Variants in CDH9 observed in about 807,000 individuals in gnomAD.
CDH9 encodes cadherin-9.
A neutral mutation model predicts 70.9 loss-of-function variants in CDH9; 28 were observed. The observed-to-expected ratio is 0.40, with a 90% confidence interval of 0.29 to 0.54. The LOEUF (loss-of-function observed/expected upper bound fraction) is 0.54, where lower values mean the gene tolerates loss of function less well. CDH9 is among the 20% of genes least tolerant of loss of function. CDH9 has a pLI of 0.59. For missense variants in CDH9, 874 were observed against 984.4 expected (o/e 0.89, Z 1.50); for synonymous variants, 409 against 343.1 (o/e 1.19, Z -2.12).
At chr5:26,944,796 A>G (rs1198529829) in intron 2 of CDH9, among the ~76,000 whole-genome samples, 1 of 152,190 alleles carries the variant, frequency 6.6e-6, no homozygotes, top group Admixed American at 6.5e-5. Context: ...ATATTTCCAA[A>G]AATATGCATT....
At chr5:26,996,028 T>C (rs1561033532) in intron 1 of CDH9, among the ~76,000 whole-genome samples, 1 of 151,988 alleles carries the variant, frequency 6.6e-6, no homozygotes, top group Non-Finnish European at 1.5e-5. Flanking sequence ...TTACTGTAAT[T>C]AAATAGGATT....
intron 9 of CDH9, among the ~76,000 whole-genome samples, chr5:26,888,331 G>A (rs996630699): frequency 6.6e-6 from 1 of 152,118 alleles, no homozygotes; most frequent in Non-Finnish European, 1.5e-5. Flanking sequence ...AAAAGAAAGA[G>A]TACCAGGTGG....
intron 2 of CDH9, among the ~76,000 whole-genome samples, chr5:26,950,062 T>G (rs1358556091): frequency 6.6e-6 from 1 of 152,162 alleles, no homozygotes; most frequent in East Asian, 1.9e-4. Flanking sequence ...TTAATCATTT[T>G]TTTCTAATGG....
intron 7 of CDH9, among the ~76,000 whole-genome samples, chr5:26,899,062 A>G (rs1328133938): frequency 1.6e-4 from 24 of 152,174 alleles, no homozygotes; most frequent in Admixed American, 1.6e-3. Context: ...CAACAAACAT[A>G]TGAAAAAAAG....
At chr5:27,031,869 T>G (rs1349511967) in intron 1 of CDH9, among the ~76,000 whole-genome samples, 1 of 151,894 alleles carries the variant, frequency 6.6e-6, no homozygotes, top group Non-Finnish European at 1.5e-5. Context: ...GCTTATGAAC[T>G]CCCAGTAGCT....
At chr5:26,889,028 G>A (rs1740610677) in intron 9 of CDH9, among the ~76,000 whole-genome samples, 1 of 151,984 alleles carries the variant, frequency 6.6e-6, no homozygotes, top group Non-Finnish European at 1.5e-5. Flanking sequence ...TTTGGAGGAG[G>A]GCTACAAACA....
chr5:26,970,196 T>C (rs1742195105), intron 2 of CDH9, among the ~76,000 whole-genome samples: 1 of 151,884 alleles, frequency 6.6e-6, no homozygotes, highest in East Asian at 1.9e-4. Flanking sequence ...AATTATAATA[T>C]TTAACATGAA....
At position 26,881,523 on chromosome 5, in the gene CDH9, A is replaced by G; in HGVS notation, c.1983T>C (p.Asp661=). 1.9e-6 allele frequency: 3 copies of G among 1,613,788 alleles called. No homozygotes were observed. The highest frequency in any genetic ancestry group is 2.5e-6 in the Non-Finnish European group (3 of 1,179,820). ...DVRDNIVTYN[D]EGGGEEDTQA... ...GGGTATCTTCTTCCCCGCCGCCTTC[A>G]TCGTTGTAGGTCACAATGTTGTCCC... The change falls in exon 12 of 12, where the codon GAT becomes GAC. Residue 661 remains aspartate, a synonymous_variant. Transcript: ENST00000231021.
chr5:27,005,532 G>A (rs1742848647), intron 1 of CDH9, among the ~76,000 whole-genome samples: 1 of 152,112 alleles, frequency 6.6e-6, no homozygotes, highest in Non-Finnish European at 1.5e-5. Flanking sequence ...TGCTGACGAG[G>A]TCGTGGAGAA....
intron 8 of CDH9, 45 bp from the exon 9 acceptor site, chr5:26,890,002 A>G: frequency 1.3e-6 from 2 of 1,590,530 alleles, no homozygotes; most frequent in Non-Finnish European, 1.7e-6. Context: ...TTTACACAGA[A>G]GCAGTGAAAC....
chr5:27,021,714 C>G (rs1213276495), intron 1 of CDH9, among the ~76,000 whole-genome samples: 4 of 151,806 alleles, frequency 2.6e-5, no homozygotes, highest in African/African-American at 9.7e-5. Flanking sequence ...TCCCCATAGA[C>G]TGGGGCAAGA....
intron 1 of CDH9, among the ~76,000 whole-genome samples, chr5:26,992,868 G>A (rs866683665): frequency 4.6e-5 from 7 of 152,076 alleles, no homozygotes; most frequent in African/African-American, 7.2e-5. Context: ...AGGCCGAGGC[G>A]GGCGGATCAC....
intron 2 of CDH9, among the ~76,000 whole-genome samples, chr5:26,951,289 CTCAAAAAAA>C (rs1434952434): frequency 3.3e-4 from 2 of 6,102 alleles, no homozygotes; most frequent in East Asian, 0.1. Flanking sequence ...AAGACTCTGT[CTCAAAAAAA>C]AAAAAAAAAA....
At position 27,025,421 on chromosome 5, in the gene CDH9, G is replaced by A. The variant is rs577349491; in HGVS notation, c.-50+13042C>T. ...GAGACCAATCAGAAGACTGACCAGA[G>A]TCCTGATACAAAGAAACACAGGCTA... On this transcript the variant is annotated intron_variant, in intron 1 of 11. Coordinates refer to ENST00000231021, the MANE Select transcript of CDH9 (RefSeq NM_016279.4). Among the ~76,000 whole-genome samples the A allele has an allele frequency of 3.5e-4, 53 of 152,124 alleles. No individual in the cohort carries two copies. The Middle Eastern group carries it at 0.01, about 29-fold the overall frequency.
At chr5:27,024,161 T>C (rs865778311) in intron 1 of CDH9, among the ~76,000 whole-genome samples, 2 of 151,978 alleles carry the variant, frequency 1.3e-5, no homozygotes, top group Non-Finnish European at 2.9e-5. Flanking sequence ...ACTGGACAAA[T>C]ATTTTCTAAG....
chr5:27,017,580 T>C (rs1201986304), intron 1 of CDH9, among the ~76,000 whole-genome samples: 1 of 151,932 alleles, frequency 6.6e-6, no homozygotes, highest in East Asian at 1.9e-4. Flanking sequence ...CTTTAGTGTT[T>C]GTGTTTGTTT....
intron 3 of CDH9, among the ~76,000 whole-genome samples, chr5:26,913,440 AT>A (rs1192187341): frequency 6.6e-6 from 1 of 152,034 alleles, no homozygotes; most frequent in South Asian, 2.1e-4. Context: ...TTAAATCTTT[AT>A]TTTTTAGTTC....
chr5:27,012,433 C>T (rs946688979), intron 1 of CDH9, among the ~76,000 whole-genome samples: 10 of 151,862 alleles, frequency 6.6e-5, no homozygotes, highest in African/African-American at 2.2e-4. Context: ...TGTATGAAAA[C>T]ACCAGCAGAA....
chr5:26,898,596 G>T (rs1326167870), intron 7 of CDH9, among the ~76,000 whole-genome samples: 2 of 152,148 alleles, frequency 1.3e-5, no homozygotes, highest in African/African-American at 4.8e-5. Flanking sequence ...AATAAATGGT[G>T]TTGGGAAACC....
Sources: allele counts gnomAD v4.1 joint callset (sites outside exome capture counted in the v4.1 genomes callset), GRCh38; gene constraint gnomAD v4.1.1; transcripts MANE v1.5; gene names NCBI Gene and HGNC (gene_info 2026-07-23, HGNC 2026-07-21).